The following OSBPL10 variants were observed in gnomAD, a reference collection of about 807,000 sequenced individuals.
OSBPL10 encodes the protein oxysterol binding protein like 10.
OSBPL10 carries 49 observed loss-of-function variants against 81.7 expected under a neutral mutation model. That is an observed-to-expected ratio of 0.60 (90% CI 0.48 to 0.76). The LOEUF is 0.76. Among genes scored for constraint, OSBPL10 ranks in the 30% least tolerant of loss-of-function variants. The pLI, the probability that OSBPL10 is intolerant of heterozygous loss-of-function variation, is 0.00. For missense variants in OSBPL10, 923 were observed against 987.8 expected (o/e 0.93, Z 0.88); for synonymous variants, 419 against 383.6 (o/e 1.09, Z -1.08).
chr3:31,792,362 G>C (rs1359147873), intron 4 of OSBPL10, among the ~76,000 whole-genome samples: 1 of 152,144 alleles, frequency 6.6e-6, no homozygotes, highest in Non-Finnish European at 1.5e-5. Context: ...TTATCGAGTT[G>C]TAAAAAAGCT....
chr3:31,922,000 A>G (rs1696931817), intron 1 of OSBPL10, among the ~76,000 whole-genome samples: 1 of 152,230 alleles, frequency 6.6e-6, no homozygotes. Context: ...ACTATCCTAC[A>G]ATACACCTGA....
intron 4 of OSBPL10, among the ~76,000 whole-genome samples, chr3:31,763,773 T>C (rs551331500): frequency 4.2e-4 from 64 of 152,244 alleles, no homozygotes; most frequent in African/African-American, 1.4e-3. Context: ...CAAATGGCAC[T>C]TGAAAAAAGA....
chr3:31,882,283 C>T (rs1695604699), intron 1 of OSBPL10, among the ~76,000 whole-genome samples: 1 of 152,174 alleles, frequency 6.6e-6, no homozygotes, highest in African/African-American at 2.4e-5. Flanking sequence ...CTTCTTCCCT[C>T]TCATCTCTCA....
intron 1 of OSBPL10, among the ~76,000 whole-genome samples, chr3:32,070,573 T>A (rs1699821722): frequency 6.6e-6 from 1 of 152,030 alleles, no homozygotes; most frequent in African/African-American, 2.4e-5. Context: ...TAATCACCCT[T>A]ACCCTACAAC....
At chr3:31,918,378 G>A (rs1252606233) in intron 1 of OSBPL10, among the ~76,000 whole-genome samples, 7 of 151,224 alleles carry the variant, frequency 4.6e-5, no homozygotes, top group Non-Finnish European at 1.0e-4. Context: ...GCCCAGGCCA[G>A]AGTACAGTGG....
intron 2 of OSBPL10, among the ~76,000 whole-genome samples, chr3:32,044,571 G>T: frequency 6.6e-6 from 1 of 151,022 alleles, no homozygotes; most frequent in East Asian, 1.9e-4. Context: ...GAGAAACCCA[G>T]TCTCTACTGA....
chr3:31,675,663 G>A (rs1700449836), intron 8 of OSBPL10, among the ~76,000 whole-genome samples: 1 of 152,148 alleles, frequency 6.6e-6, no homozygotes, highest in East Asian at 1.9e-4. Context: ...GGAAACTGCA[G>A]GGCCAGGCGC....
intron 7 of OSBPL10, among the ~76,000 whole-genome samples, chr3:31,687,456 A>C (rs1372596626): frequency 2.0e-5 from 3 of 149,596 alleles, no homozygotes; most frequent in African/African-American, 7.7e-5. Context: ...TGAATTCAAA[A>C]GCTGAAGGAT....
chr3:31,836,396 G>A (rs1401663971), intron 3 of OSBPL10, among the ~76,000 whole-genome samples: 5 of 152,148 alleles, frequency 3.3e-5, no homozygotes, highest in Non-Finnish European at 5.9e-5. Context: ...GAGTATGCAC[G>A]CAAATGCCAG....
chr3:31,935,983 T>C (rs1697372351), intron 1 of OSBPL10, among the ~76,000 whole-genome samples: 1 of 152,190 alleles, frequency 6.6e-6, no homozygotes, highest in African/African-American at 2.4e-5. Context: ...AGAAAAATCC[T>C]TTATCTTTCC....
chr3:32,060,100 T>A (rs1010367336), intron 1 of OSBPL10, among the ~76,000 whole-genome samples: 1 of 148,476 alleles, frequency 6.7e-6, no homozygotes, highest in Non-Finnish European at 1.5e-5. Flanking sequence ...ATATATATAC[T>A]TACGGTATAT....
chr3:31,679,898 CT>C (rs1467043376), intron 8 of OSBPL10, among the ~76,000 whole-genome samples: 2 of 152,130 alleles, frequency 1.3e-5, no homozygotes, highest in East Asian at 3.9e-4. Flanking sequence ...GAACATAAAC[CT>C]CCCACAGGGG....
chr3:31,825,227 T>G (rs893622948), intron 4 of OSBPL10, among the ~76,000 whole-genome samples: 1 of 152,178 alleles, frequency 6.6e-6, no homozygotes. Flanking sequence ...GAGCAAGGCA[T>G]GAACTCAAAG....
In OSBPL10 at chr3:31,831,782, A is replaced by C. The variant is rs527351833; in HGVS notation, c.538-1551T>G. ...ACAGAGAAACGAGTTTGTGGAGGTA[A>C]AAAAGGTGGCAAAACCCTGAGAACA... On this transcript the variant is annotated intron_variant, in intron 3 of 11. Coordinates refer to ENST00000396556, the MANE Select transcript of OSBPL10 (RefSeq NM_017784.5). Among the ~76,000 whole-genome samples, 13 of 152,274 alleles carry C rather than the reference A, an allele frequency of 8.5e-5. No individual in the cohort carries two copies. The East Asian group carries it at 2.5e-3, about 29-fold the overall frequency.
intron 3 of OSBPL10, among the ~76,000 whole-genome samples, chr3:31,872,683 G>A (rs556129128): frequency 9.5e-5 from 14 of 147,738 alleles, no homozygotes; most frequent in African/African-American, 3.3e-4. Context: ...GTACAGTGGT[G>A]CAATCTCAGT....
chr3:31,974,293 C>T (rs938997954), intron 1 of OSBPL10, among the ~76,000 whole-genome samples: 1 of 152,148 alleles, frequency 6.6e-6, no homozygotes, highest in African/African-American at 2.4e-5. Context: ...ACAGAACTCT[C>T]TCTACACACT....
intron 4 of OSBPL10, among the ~76,000 whole-genome samples, chr3:31,749,748 G>C (rs529631027): frequency 6.6e-6 from 1 of 151,604 alleles, no homozygotes; most frequent in South Asian, 2.1e-4. Flanking sequence ...CCAGGAGGCA[G>C]AGGTTGCAGT....
intron 2 of OSBPL10, among the ~76,000 whole-genome samples, chr3:31,994,491 AGGAT>A (rs200832488): frequency 0.29 from 43,424 of 149,568 alleles, 6,801 homozygotes; most frequent in African/African-American, 0.41. Flanking sequence ...AGGGAAAAAA[AGGAT>A]GGATGGATGG....
At chr3:31,679,006 C>T (rs1221598269) in intron 8 of OSBPL10, among the ~76,000 whole-genome samples, 11 of 152,042 alleles carry the variant, frequency 7.2e-5, no homozygotes, top group Admixed American at 7.2e-4. Context: ...GTTCCAGAGC[C>T]CCAAAATCAG....
Sources: allele counts gnomAD v4.1 joint callset (sites outside exome capture counted in the v4.1 genomes callset), GRCh38; gene constraint gnomAD v4.1.1; transcripts MANE v1.5; gene names NCBI Gene and HGNC (gene_info 2026-07-23, HGNC 2026-07-21).